The following MAGI2 variants were observed in gnomAD, a reference collection of about 807,000 sequenced individuals.
MAGI2 encodes membrane associated guanylate kinase, WW and PDZ domain containing 2, also known as membrane-associated guanylate kinase, WW and PDZ domain-containing protein 2.
Under a neutral mutation model 133.3 loss-of-function variants are expected in MAGI2, and 35 were observed. That is an observed-to-expected ratio of 0.26 (90% CI 0.20 to 0.35). The LOEUF is 0.35. Ranked by LOEUF, MAGI2 falls within the 10% of genes least tolerant of loss-of-function variation. The probability of loss-of-function intolerance (pLI) is 1.00; values close to 1 mark genes in which losing one functional copy is unlikely to be tolerated. For synonymous variants in MAGI2, 729 were observed against 710.6 expected (o/e 1.03, Z -0.41); for missense variants, 1,636 against 1,863.4 (o/e 0.88, Z 2.25).
chr7:78,277,193 A>T (rs1795137602), intron 9 of MAGI2, among the ~76,000 whole-genome samples: 1 of 152,170 alleles, frequency 6.6e-6, no homozygotes, highest in Non-Finnish European at 1.5e-5. Flanking sequence ...AGATGAGTAA[A>T]ATATAGTCCT....
intron 1 of MAGI2, among the ~76,000 whole-genome samples, chr7:79,048,005 G>A (rs1479752304): frequency 6.6e-6 from 1 of 152,138 alleles, no homozygotes; most frequent in Non-Finnish European, 1.5e-5. Flanking sequence ...TATTAGTACA[G>A]CTATCCAAGC....
At chr7:78,812,958 A>G (rs1789205083) in intron 2 of MAGI2, among the ~76,000 whole-genome samples, 1 of 152,168 alleles carries the variant, frequency 6.6e-6, no homozygotes, top group African/African-American at 2.4e-5. Flanking sequence ...GCTCACCATA[A>G]AAATACAGGC....
intron 2 of MAGI2, among the ~76,000 whole-genome samples, chr7:78,772,091 T>C (rs879265686): frequency 3.9e-5 from 6 of 152,098 alleles, no homozygotes; most frequent in Non-Finnish European, 8.8e-5. Context: ...TGAAGATACA[T>C]TTATAGTCTA....
chr7:78,259,905 C>T (rs1230208659), intron 9 of MAGI2, among the ~76,000 whole-genome samples: 1 of 152,116 alleles, frequency 6.6e-6, no homozygotes, highest in Non-Finnish European at 1.5e-5. Context: ...TATTTAGAAA[C>T]AGAGTGAGAA....
chr7:78,464,876 G>C (rs187216854), intron 6 of MAGI2, among the ~76,000 whole-genome samples: 1 of 151,922 alleles, frequency 6.6e-6, no homozygotes, highest in African/African-American at 2.4e-5. Flanking sequence ...TGAGCTAAAG[G>C]CAAGCATGTG....
At chr7:78,954,787 T>C (rs1802155834) in intron 2 of MAGI2, among the ~76,000 whole-genome samples, 1 of 152,118 alleles carries the variant, frequency 6.6e-6, no homozygotes, top group South Asian at 2.1e-4. Flanking sequence ...GTGATCATTC[T>C]TTTTTTAAAA....
chr7:79,352,855 T>C (rs536360590), intron 1 of MAGI2, among the ~76,000 whole-genome samples: 1 of 151,952 alleles, frequency 6.6e-6, no homozygotes, highest in African/African-American at 2.4e-5. Flanking sequence ...CTTTTGAGAG[T>C]CTAAAACTGG....
intron 10 of MAGI2, among the ~76,000 whole-genome samples, chr7:78,237,211 AAAAC>A (rs1790643314): frequency 1.3e-5 from 2 of 152,218 alleles, no homozygotes; most frequent in African/African-American, 4.8e-5. Flanking sequence ...ATTTTTAAAT[AAAAC>A]AAATAGATAT....
At chr7:79,083,257 T>G (rs1311339033) in intron 1 of MAGI2, among the ~76,000 whole-genome samples, 1 of 151,492 alleles carries the variant, frequency 6.6e-6, no homozygotes, top group African/African-American at 2.4e-5. Flanking sequence ...GTCTTGTTAC[T>G]GATTTAAGGG....
At chr7:79,129,939 T>C (rs772712009) in intron 1 of MAGI2, among the ~76,000 whole-genome samples, 2 of 152,122 alleles carry the variant, frequency 1.3e-5, no homozygotes, top group African/African-American at 4.8e-5. Flanking sequence ...GCCATAATCA[T>C]GCAATTTACA....
intron 1 of MAGI2, among the ~76,000 whole-genome samples, chr7:79,344,375 G>A (rs1007967745): frequency 1.3e-5 from 2 of 152,080 alleles, no homozygotes; most frequent in Non-Finnish European, 1.5e-5. Flanking sequence ...GCAATGCAAA[G>A]AGAAATGAGT....
intron 2 of MAGI2, among the ~76,000 whole-genome samples, chr7:78,750,630 C>T (rs536024575): frequency 2.4e-4 from 36 of 152,204 alleles, no homozygotes; most frequent in African/African-American, 7.9e-4. Flanking sequence ...AAAACACAAG[C>T]AAATACATTA....
intron 2 of MAGI2, among the ~76,000 whole-genome samples, chr7:78,923,564 G>C (rs1288123725): frequency 6.6e-6 from 1 of 152,018 alleles, no homozygotes; most frequent in African/African-American, 2.4e-5. Flanking sequence ...TCTCTGTTTT[G>C]GTACCAGTAC....
intron 7 of MAGI2, among the ~76,000 whole-genome samples, chr7:78,355,498 C>G (rs1791981570): frequency 6.6e-6 from 1 of 152,202 alleles, no homozygotes; most frequent in Non-Finnish European, 1.5e-5. Flanking sequence ...ATACTATATG[C>G]TGACCCTCAG....
intron 4 of MAGI2, among the ~76,000 whole-genome samples, chr7:78,506,303 G>A (rs900423965): frequency 6.6e-6 from 1 of 152,128 alleles, no homozygotes; most frequent in Non-Finnish European, 1.5e-5. Context: ...TGGGGTAGGG[G>A]TAGGCTATAC....
intron 2 of MAGI2, among the ~76,000 whole-genome samples, chr7:78,958,668 T>A (rs1427722866): frequency 6.6e-6 from 1 of 151,996 alleles, no homozygotes; most frequent in East Asian, 1.9e-4. Flanking sequence ...TGTGTCAGAG[T>A]GGAAAAATGG....
intron 5 of MAGI2, among the ~76,000 whole-genome samples, chr7:78,493,168 A>G (rs995766203): frequency 6.6e-6 from 1 of 152,184 alleles, no homozygotes; most frequent in Non-Finnish European, 1.5e-5. Context: ...CCGCATTTCT[A>G]GTTTAAATTC....
chr7:78,924,241 A>G (rs1799505125), intron 2 of MAGI2, among the ~76,000 whole-genome samples: 1 of 152,038 alleles, frequency 6.6e-6, no homozygotes, highest in African/African-American at 2.4e-5. Flanking sequence ...GTTGAATAAG[A>G]GTGGTGAGAG....
intron 7 of MAGI2, among the ~76,000 whole-genome samples, chr7:78,354,221 G>T (rs963637986): frequency 6.6e-6 from 1 of 152,158 alleles, no homozygotes; most frequent in South Asian, 2.1e-4. Flanking sequence ...GGTGAGAATA[G>T]TCTGACTTGT....
Sources: allele counts gnomAD v4.1 joint callset (sites outside exome capture counted in the v4.1 genomes callset), GRCh38; gene constraint gnomAD v4.1.1; transcripts MANE v1.5; gene names NCBI Gene and HGNC (gene_info 2026-07-23, HGNC 2026-07-21).